PPFIBP1: variants seen among roughly 807,000 people sequenced by gnomAD.
The protein encoded by PPFIBP1 is liprin-beta-1.
PPFIBP1 carries 112 observed loss-of-function variants against 137.8 expected under a neutral mutation model. That is an observed-to-expected ratio of 0.81 (90% CI 0.70 to 0.95). The LOEUF (loss-of-function observed/expected upper bound fraction) is 0.95, where lower values mean the gene tolerates loss of function less well. Ranked by LOEUF, PPFIBP1 falls within the 40% of genes least tolerant of loss-of-function variation. The pLI is 0.00. For synonymous variants in PPFIBP1, 378 were observed against 417.3 expected, an observed-to-expected ratio of 0.91 and a Z score of 1.15; for missense variants, 1,083 against 1,196.6, an observed-to-expected ratio of 0.91 and a Z score of 1.40.
intron 19 of PPFIBP1, among the ~76,000 whole-genome samples, chr12:27,678,688 T>C (rs1238303292): frequency 2.0e-5 from 3 of 151,838 alleles, no homozygotes; most frequent in South Asian, 2.1e-4. Context: ...TGAAACCCTG[T>C]CTCTACTAAA....
In PPFIBP1 at chr12:27,682,358, AATTATAAAGTCAATGTTT is replaced by A; in HGVS notation, c.2047-25_2047-8del. On this transcript the variant is annotated splice_polypyrimidine_tract_variant and intron_variant, in intron 22 of 29. Transcript: ENST00000228425. ...AGTGGCACCCAGCCTATACAGATAGAATTATAAAGTCAATGTTTATTGTTTCAGGAACTTGGAATCAAG... is the reference window on the plus strand; with the variant it reads ...AGTGGCACCCAGCCTATACAGATAGAATTGTTTCAGGAACTTGGAATCAAG... 1 of 1,507,362 alleles carries A rather than the reference AATTATAAAGTCAATGTTT, an allele frequency of 6.6e-7. No homozygotes were observed. Among genetic ancestry groups the A allele is most frequent in the Non-Finnish European group, 9.2e-7 (1 of 1,084,410 alleles). The allele number at this position is 1,507,362 out of a possible 1,614,324, so 93.4% of individuals were successfully genotyped here. A position where few individuals can be genotyped will look rare whatever the true frequency, so the allele number is the denominator to read the frequency against.
chr12:27,580,476 A>G (rs1369728042), intron 2 of PPFIBP1, among the ~76,000 whole-genome samples: 1 of 152,138 alleles, frequency 6.6e-6, no homozygotes, highest in Non-Finnish European at 1.5e-5. Flanking sequence ...GATTCCCCCC[A>G]AATCTGCTGT....
chr12:27,647,538 T>C (rs556802839), intron 5 of PPFIBP1, among the ~76,000 whole-genome samples, 191 bp from the exon 6 acceptor site: 2 of 152,322 alleles, frequency 1.3e-5, no homozygotes, highest in Admixed American at 6.5e-5. Context: ...ATAGGCCTCC[T>C]TAAATCAAAT....
At chr12:27,531,033 C>T (rs1411831355) in intron 1 of PPFIBP1, among the ~76,000 whole-genome samples, 1 of 152,156 alleles carries the variant, frequency 6.6e-6, no homozygotes, top group Admixed American at 6.5e-5. Flanking sequence ...TACTTGCAGC[C>T]AAATGTGATC....
intron 24 of PPFIBP1, among the ~76,000 whole-genome samples, chr12:27,684,325 TC>T (rs765835044): frequency 2.0e-5 from 3 of 149,948 alleles, no homozygotes; most frequent in Middle Eastern, 3.6e-3. Flanking sequence ...GCCAGGCTGG[TC>T]TGGAACTTCT....
Position 27,674,215 on chromosome 12 carries a change from T to C in PPFIBP1, c.1404T>C (p.Thr468=). The part of the protein sequence containing the change: ...SDGEKETIQK[T]SEDRAPAESR... ...AGGAAAAGGAAACTATTCAGAAGAC[T>C]TCAGAGGTAACTTTTTGTCCAAATT... Residue 468 remains threonine, a synonymous_variant, in exon 17 of 30, where the codon ACT becomes ACC. Coordinates refer to ENST00000228425, the MANE Select transcript of PPFIBP1 (RefSeq NM_003622.4). 3 of 1,593,202 alleles carry C rather than the reference T, an allele frequency of 1.9e-6. No homozygotes were observed. Among genetic ancestry groups the C allele is most frequent in the Non-Finnish European group, 2.6e-6 (3 of 1,169,130 alleles).
intron 27 of PPFIBP1, among the ~76,000 whole-genome samples, chr12:27,690,197 G>A (rs2061446899): frequency 1.3e-5 from 2 of 151,806 alleles, no homozygotes; most frequent in African/African-American, 4.8e-5. Flanking sequence ...TCAAGCAAAT[G>A]TGGAGGGATG....
At chr12:27,545,581 A>G (rs1946148532) in intron 1 of PPFIBP1, among the ~76,000 whole-genome samples, 1 of 152,194 alleles carries the variant, frequency 6.6e-6, no homozygotes, top group African/African-American at 2.4e-5. Context: ...AGTGCTCATT[A>G]GCACTCCCAC....
At chr12:27,605,111 T>C (rs2054390780) in intron 2 of PPFIBP1, among the ~76,000 whole-genome samples, 1 of 152,082 alleles carries the variant, frequency 6.6e-6, no homozygotes, top group Non-Finnish European at 1.5e-5. Flanking sequence ...AGTCAAACCA[T>C]ATGATTACCC....
intron 2 of PPFIBP1, among the ~76,000 whole-genome samples, chr12:27,628,655 A>G (rs2057029356): frequency 1.3e-5 from 2 of 152,208 alleles, no homozygotes; most frequent in Non-Finnish European, 2.9e-5. Context: ...GATTCATGAC[A>G]TATTATCATC....
chr12:27,549,921 G>T (rs1227002425), intron 1 of PPFIBP1, among the ~76,000 whole-genome samples: 1 of 152,186 alleles, frequency 6.6e-6, no homozygotes, highest in Non-Finnish European at 1.5e-5. Context: ...CGCCTCTTTC[G>T]TAAGCTGATG....
At chr12:27,668,625 T>C (rs1382292578) in intron 13 of PPFIBP1, among the ~76,000 whole-genome samples, 1 of 152,256 alleles carries the variant, frequency 6.6e-6, no homozygotes, top group African/African-American at 2.4e-5. Context: ...TAATTTAGTG[T>C]AATACTTTAA....
chr12:27,646,864 G>C (rs756928199), intron 5 of PPFIBP1, among the ~76,000 whole-genome samples: 7 of 152,166 alleles, frequency 4.6e-5, no homozygotes, highest in Non-Finnish European at 8.8e-5. Context: ...AAGATCTGCT[G>C]TAAGCACTAG....
chr12:27,683,158 G>A (rs934405023), intron 24 of PPFIBP1, among the ~76,000 whole-genome samples: 1 of 152,150 alleles, frequency 6.6e-6, no homozygotes, highest in Non-Finnish European at 1.5e-5. Context: ...CTACCTCCCA[G>A]GTTCAAGCCA....
chr12:27,558,790 C>T (rs1263456928), intron 1 of PPFIBP1, among the ~76,000 whole-genome samples: 1 of 152,186 alleles, frequency 6.6e-6, no homozygotes, highest in Non-Finnish European at 1.5e-5. Context: ...TTAGGTTAAA[C>T]TTACCTAACC....
Position 27,679,588 on chromosome 12 carries a change from C to T in PPFIBP1, c.1715C>T (p.Pro572Leu). 2 of 1,613,922 alleles carry T rather than the reference C, an allele frequency of 1.2e-6. No individual in the cohort carries two copies. Among genetic ancestry groups the T allele is most frequent in the Non-Finnish European group, 1.7e-6 (2 of 1,179,800 alleles). Residue 572 changes from proline to leucine, a missense_variant, in exon 20 of 30, where the codon CCA becomes CTA. Pro to Leu is a moderately conservative substitution (Grantham distance 98). Coordinates refer to ENST00000228425, the MANE Select transcript of PPFIBP1 (RefSeq NM_003622.4). ...AACAGTCCCTTCCAGATACCGCCTC[C>T]ATCTCCAGATTCCAAAAAGAAATCC... ...QRNSPFQIPP[P>L]SPDSKKKSRG... is the part of the protein sequence containing the mutation.
intron 1 of PPFIBP1, among the ~76,000 whole-genome samples, chr12:27,528,694 A>G (rs1454964226): frequency 1.3e-5 from 2 of 152,204 alleles, no homozygotes; most frequent in Non-Finnish European, 2.9e-5. Flanking sequence ...CCACTTCAAA[A>G]AAAAACCTAA....
intron 1 of PPFIBP1, among the ~76,000 whole-genome samples, chr12:27,561,904 A>G (rs1592478848): frequency 6.6e-6 from 1 of 152,116 alleles, no homozygotes; most frequent in South Asian, 2.1e-4. Context: ...ATTAAAAATT[A>G]GCTGGGCATG....
intron 2 of PPFIBP1, among the ~76,000 whole-genome samples, chr12:27,601,661 C>G (rs1343977326): frequency 6.8e-6 from 1 of 147,866 alleles, no homozygotes; most frequent in Non-Finnish European, 1.5e-5. Flanking sequence ...CATGCTGCCT[C>G]TTTTGAGAAC....
Sources: gnomAD v4.1 joint callset for allele counts (sites outside exome capture counted in the v4.1 genomes callset) on GRCh38, gnomAD v4.1.1 for gene constraint, MANE v1.5 for transcripts, NCBI Gene and HGNC (gene_info 2026-07-23, HGNC 2026-07-21) for gene names.